The following NOVA1 variants were observed in gnomAD, a reference collection of about 807,000 sequenced individuals.
NOVA1 encodes NOVA alternative splicing regulator 1, also known as RNA-binding protein Nova-1.
In NOVA1, 7 loss-of-function variants were observed where a neutral mutation model predicts 38.0. That is an observed-to-expected ratio of 0.18 (90% CI 0.10 to 0.35). The LOEUF is 0.35. NOVA1 is among the 10% of genes least tolerant of loss of function. The pLI is 1.00. For synonymous variants in NOVA1, 270 were observed against 232.5 expected, an observed-to-expected ratio of 1.16 and a Z score of -1.47; for missense variants, 460 against 616.0, an observed-to-expected ratio of 0.75 and a Z score of 2.68.
At chr14:26,557,741 A>C (rs561950348) in intron 2 of NOVA1, among the ~76,000 whole-genome samples, 1 of 152,226 alleles carries the variant, frequency 6.6e-6, no homozygotes, top group Non-Finnish European at 1.5e-5. Context: ...AACATACAAT[A>C]CAGCAATCAT....
intron 4 of NOVA1, chr14:26,470,119 A>G: frequency 1.6e-6 from 1 of 616,860 alleles, no homozygotes. Context: ...CTCTTTGAAT[A>G]GTTTTCTGTA....
Position 26,465,227 on chromosome 14 carries a change from T to C in NOVA1, c.519+7093A>G, listed in dbSNP as rs192397961. Among the ~76,000 whole-genome samples, 14 of 152,154 alleles carry C rather than the reference T, an allele frequency of 9.2e-5. No individual in the cohort carries two copies. In the South Asian group the frequency reaches 2.5e-3, roughly 27 times the overall value. ...TCTTGCTCTGTTGCCCAGGCTGGAG[T>C]GCAATGGCGTGATCTCAGCTCACTG... On this transcript the variant is annotated intron_variant, in intron 4 of 4. Coordinates refer to ENST00000539517, the MANE Select transcript of NOVA1 (RefSeq NM_002515.3).
intron 2 of NOVA1, among the ~76,000 whole-genome samples, chr14:26,563,348 A>G (rs1834878022): frequency 6.6e-6 from 1 of 151,192 alleles, no homozygotes; most frequent in Non-Finnish European, 1.5e-5. Flanking sequence ...AACAGTAATA[A>G]TGGGGGCAGG....
chr14:26,483,929 G>A (rs989453300), intron 2 of NOVA1, among the ~76,000 whole-genome samples: 4 of 152,046 alleles, frequency 2.6e-5, no homozygotes, highest in African/African-American at 7.2e-5. Flanking sequence ...CAGAGTTTTG[G>A]CACCAAATAA....
At chr14:26,578,856 T>C (rs902353550) in intron 2 of NOVA1, among the ~76,000 whole-genome samples, 4 of 152,214 alleles carry the variant, frequency 2.6e-5, no homozygotes, top group Middle Eastern at 3.4e-3. Context: ...CACAGATTCA[T>C]CGTCTATACA....
intron 4 of NOVA1, among the ~76,000 whole-genome samples, chr14:26,453,978 CCT>C (rs1432884268): frequency 2.6e-5 from 4 of 152,022 alleles, no homozygotes; most frequent in East Asian, 1.9e-4. Context: ...CAACAGAGCC[CCT>C]GTTTTCCTCT....
chr14:26,464,389 A>G (rs574172875), intron 4 of NOVA1, among the ~76,000 whole-genome samples: 3 of 152,354 alleles, frequency 2.0e-5, no homozygotes, highest in African/African-American at 7.2e-5. Context: ...GCCTAGGAGC[A>G]ACAGGTTGTG....
chr14:26,562,237 T>C (rs1891874363), intron 2 of NOVA1, among the ~76,000 whole-genome samples: 1 of 152,192 alleles, frequency 6.6e-6, no homozygotes, highest in Non-Finnish European at 1.5e-5. Flanking sequence ...AGTTCCTGGA[T>C]TCAAATCTTT....
intron 4 of NOVA1, chr14:26,470,467 T>C (rs1202652888): frequency 3.8e-6 from 6 of 1,560,156 alleles, no homozygotes; most frequent in Non-Finnish European, 5.3e-6. Context: ...TCTTGCTTCA[T>C]GATATCCAGG....
chr14:26,532,524 G>A (rs1229655355), intron 2 of NOVA1, among the ~76,000 whole-genome samples: 4 of 152,162 alleles, frequency 2.6e-5, no homozygotes, highest in African/African-American at 7.2e-5. Context: ...GGCAGGAGGG[G>A]GTTAAGGAAG....
chr14:26,522,021 A>T (rs1390776500), intron 2 of NOVA1, among the ~76,000 whole-genome samples: 4 of 152,040 alleles, frequency 2.6e-5, no homozygotes, highest in Non-Finnish European at 5.9e-5. Flanking sequence ...TCTAGAATGA[A>T]ATCTTATGTA....
At chr14:26,518,995 C>G (rs766132114) in intron 2 of NOVA1, among the ~76,000 whole-genome samples, 8 of 151,924 alleles carry the variant, frequency 5.3e-5, no homozygotes, top group Non-Finnish European at 1.2e-4. Flanking sequence ...AAGGAAATAC[C>G]TGGGTTCAAA....
chr14:26,593,760 C>CT (rs1180812510), intron 2 of NOVA1: 11 of 151,934 alleles, frequency 7.2e-5, no homozygotes, highest in African/African-American at 2.7e-4. Flanking sequence ...TCAGTGCACC[C>CT]TTTCCAACCC....
At chr14:26,515,050 C>A (rs1400702261) in intron 2 of NOVA1, among the ~76,000 whole-genome samples, 3 of 151,842 alleles carry the variant, frequency 2.0e-5, no homozygotes, top group Non-Finnish European at 4.4e-5. Flanking sequence ...AGTGTCTCTA[C>A]AAACTTCTAA....
chr14:26,478,941 T>G (rs1359744747), intron 3 of NOVA1: 3 of 151,920 alleles, frequency 2.0e-5, no homozygotes, highest in Non-Finnish European at 4.4e-5. Context: ...TCAATTTCTA[T>G]GTTTATATTT....
intron 2 of NOVA1, among the ~76,000 whole-genome samples, chr14:26,541,174 T>C (rs1420480495): frequency 6.6e-6 from 1 of 152,150 alleles, no homozygotes; most frequent in Admixed American, 6.5e-5. Flanking sequence ...ATGCTGAATC[T>C]GTCATACTTT....
At chr14:26,582,836 T>C (rs1394244086) in intron 2 of NOVA1, among the ~76,000 whole-genome samples, 1 of 151,700 alleles carries the variant, frequency 6.6e-6, no homozygotes, top group Non-Finnish European at 1.5e-5. Context: ...GGAGACTATA[T>C]CATAAAAGTA....
chr14:26,570,415 T>C (rs1265653345), intron 2 of NOVA1, among the ~76,000 whole-genome samples: 1 of 150,824 alleles, frequency 6.6e-6, no homozygotes, highest in Non-Finnish European at 1.5e-5. Context: ...CTGAACAAAG[T>C]AATCCATCCT....
At chr14:26,527,567 C>T (rs948109006) in intron 2 of NOVA1, among the ~76,000 whole-genome samples, 4 of 152,012 alleles carry the variant, frequency 2.6e-5, no homozygotes, top group African/African-American at 9.7e-5. Flanking sequence ...GATATGTGTG[C>T]TCTTGACTAT....
Sources: allele counts gnomAD v4.1 joint callset (sites outside exome capture counted in the v4.1 genomes callset), GRCh38; gene constraint gnomAD v4.1.1; transcripts MANE v1.5; gene names NCBI Gene and HGNC (gene_info 2026-07-23, HGNC 2026-07-21).